The following SLC10A7 variants were observed in gnomAD, a reference collection of about 807,000 sequenced individuals.
The protein encoded by SLC10A7 is sodium/bile acid cotransporter 7.
Under a neutral mutation model 43.2 loss-of-function variants are expected in SLC10A7, and 29 were observed. The ratio of observed to expected loss-of-function variants is 0.67; its 90% CI spans 0.50 to 0.92. The LOEUF is 0.92. Ranked by LOEUF, SLC10A7 falls within the 40% of genes least tolerant of loss-of-function variation. The probability of loss-of-function intolerance (pLI) is 0.00; values close to 1 mark genes in which losing one functional copy is unlikely to be tolerated. For synonymous variants in SLC10A7, 152 were observed against 144.8 expected (o/e 1.05, Z -0.35); for missense variants, 295 against 403.2 (o/e 0.73, Z 2.30).
intron 6 of SLC10A7, among the ~76,000 whole-genome samples, chr4:146,308,094 A>C (rs780812773): frequency 6.6e-6 from 1 of 152,142 alleles, no homozygotes; most frequent in Non-Finnish European, 1.5e-5. Flanking sequence ...TCTCTGATCC[A>C]CTTGACTGGA....
Position 146,427,979 on chromosome 4 carries a change from C to T in SLC10A7, c.435+14804G>A, listed in dbSNP as rs79953549. 2.4e-3 allele frequency among the ~76,000 whole-genome samples: 361 copies of T among 152,000 alleles called. 3 individuals carry two copies. The highest frequency in any genetic ancestry group is 8.3e-3 in the African/African-American group (345 of 41,442). ...TGAGCCCAGGTGATCAAGAACCAGC[C>T]TTGGCAACAAAGTGAGACTCAGTCT... On this transcript the variant is annotated intron_variant, in intron 5 of 11. Coordinates refer to ENST00000335472, the MANE Select transcript of SLC10A7 (RefSeq NM_001029998.6).
intron 5 of SLC10A7, among the ~76,000 whole-genome samples, chr4:146,381,214 CA>C (rs1428930945): frequency 1.3e-5 from 2 of 152,082 alleles, no homozygotes; most frequent in African/African-American, 4.8e-5. Flanking sequence ...TTTCAGTCAT[CA>C]ATAACAAACT....
chr4:146,463,542 G>A (rs1018745515), intron 4 of SLC10A7, among the ~76,000 whole-genome samples: 6 of 151,968 alleles, frequency 3.9e-5, no homozygotes, highest in African/African-American at 1.4e-4. Context: ...GAAGTTCAAG[G>A]CCAGCCTGGG....
chr4:146,346,219 G>A (rs1314073135), intron 5 of SLC10A7, among the ~76,000 whole-genome samples: 1 of 152,116 alleles, frequency 6.6e-6, no homozygotes, highest in African/African-American at 2.4e-5. Context: ...TTGGGGAACT[G>A]TGTGGAATAA....
intron 4 of SLC10A7, among the ~76,000 whole-genome samples, chr4:146,482,736 T>G (rs1734581759): frequency 6.6e-6 from 1 of 152,130 alleles, no homozygotes; most frequent in African/African-American, 2.4e-5. Flanking sequence ...TCCATATCTA[T>G]GAAGCTCAAA....
At position 146,433,252 on chromosome 4, in the gene SLC10A7, C is replaced by T. The variant is rs559770157; in HGVS notation, c.435+9531G>A. ...TCTCAGCTCACTGCAACCTCTGCCTCCTGGGTTCAAGTGATTCTCCTGCCT... is the reference window on the plus strand; with the variant it reads ...TCTCAGCTCACTGCAACCTCTGCCTTCTGGGTTCAAGTGATTCTCCTGCCT... On this transcript the variant is annotated intron_variant, in intron 5 of 11. Coordinates refer to ENST00000335472, the MANE Select transcript of SLC10A7 (RefSeq NM_001029998.6). Among the ~76,000 whole-genome samples the T allele has an allele frequency of 2.7e-5, 4 of 149,176 alleles. No homozygotes were observed. In the South Asian group the frequency reaches 6.5e-4, roughly 24 times the overall value.
At chr4:146,441,471 C>A (rs1219604926) in intron 5 of SLC10A7, among the ~76,000 whole-genome samples, 1 of 152,130 alleles carries the variant, frequency 6.6e-6, no homozygotes, top group Non-Finnish European at 1.5e-5. Flanking sequence ...GAATAAGAGA[C>A]CCAACTTAAG....
intron 5 of SLC10A7, among the ~76,000 whole-genome samples, chr4:146,394,823 C>T (rs1051143899): frequency 6.6e-6 from 1 of 152,152 alleles, no homozygotes; most frequent in South Asian, 2.1e-4. Flanking sequence ...TTTTCTCACC[C>T]ATGGGATCAC....
intron 4 of SLC10A7, among the ~76,000 whole-genome samples, chr4:146,491,316 T>G (rs954796061): frequency 6.6e-6 from 1 of 152,174 alleles, no homozygotes; most frequent in East Asian, 1.9e-4. Context: ...AAGTAATAGG[T>G]GGCCAGAAAT....
In SLC10A7 at chr4:146,260,340, G is replaced by A. The variant is rs1728145317; in HGVS notation, c.848-1503C>T. On this transcript the variant is annotated intron_variant, in intron 10 of 11. Coordinates refer to ENST00000335472, the MANE Select transcript of SLC10A7 (RefSeq NM_001029998.6). ...AACGTTATTCATTCCTTGGCCCAAAGAGGTGATGCTAAGACATTGGGGGAT... is the reference window on the plus strand; with the variant it reads ...AACGTTATTCATTCCTTGGCCCAAAAAGGTGATGCTAAGACATTGGGGGAT... Among the ~76,000 whole-genome samples the A allele has an allele frequency of 2.6e-5, 4 of 152,202 alleles. No individual in the cohort carries two copies. In the South Asian group the frequency reaches 6.2e-4, roughly 24 times the overall value.
chr4:146,439,382 T>C (rs925135699), intron 5 of SLC10A7, among the ~76,000 whole-genome samples: 6 of 152,106 alleles, frequency 3.9e-5, no homozygotes, highest in African/African-American at 4.8e-5. Flanking sequence ...TCTTCAAAAA[T>C]TCTTTTAATA....
chr4:146,493,162 T>C (rs1735603889), intron 4 of SLC10A7, among the ~76,000 whole-genome samples: 1 of 152,140 alleles, frequency 6.6e-6, no homozygotes, highest in Admixed American at 6.5e-5. Context: ...GGAAATAAAG[T>C]TAAAAATAAT....
chr4:146,287,369 A>G (rs1730103901), intron 9 of SLC10A7, among the ~76,000 whole-genome samples: 1 of 152,226 alleles, frequency 6.6e-6, no homozygotes, highest in South Asian at 2.1e-4. Flanking sequence ...AAGAGGCCTG[A>G]GAAGCCAAGA....
At chr4:146,259,481 G>C (rs1728088061) in intron 10 of SLC10A7, among the ~76,000 whole-genome samples, 1 of 152,156 alleles carries the variant, frequency 6.6e-6, no homozygotes, top group Non-Finnish European at 1.5e-5. Flanking sequence ...CACACCTGTA[G>C]TCTCAGCTAC....
intron 4 of SLC10A7, among the ~76,000 whole-genome samples, chr4:146,492,873 A>G (rs1400973513): frequency 2.0e-5 from 3 of 152,172 alleles, no homozygotes; most frequent in Non-Finnish European, 4.4e-5. Flanking sequence ...ATTTTCATCT[A>G]AAACAACCCT....
intron 5 of SLC10A7, among the ~76,000 whole-genome samples, chr4:146,340,545 A>AGAGC (rs1734194100): frequency 6.6e-6 from 1 of 150,742 alleles, no homozygotes; most frequent in Non-Finnish European, 1.5e-5. Context: ...GGAGAGAGAG[A>AGAGC]GAGAGAGAGA....
chr4:146,381,282 C>T (rs185732421), intron 5 of SLC10A7, among the ~76,000 whole-genome samples: 10 of 152,138 alleles, frequency 6.6e-5, no homozygotes, highest in African/African-American at 1.4e-4. Context: ...TAAGTTGGGG[C>T]GGAAATATAG....
intron 5 of SLC10A7, among the ~76,000 whole-genome samples, chr4:146,326,769 G>A (rs965891231): frequency 1.3e-5 from 2 of 152,104 alleles, no homozygotes; most frequent in African/African-American, 2.4e-5. Flanking sequence ...TTATTTGCCC[G>A]TTTTAGTTTT....
In SLC10A7 at chr4:146,297,707, C is replaced by T. The variant is rs897453434; in HGVS notation, c.556-3612G>A. On this transcript the variant is annotated intron_variant, in intron 7 of 11. Coordinates refer to ENST00000335472, the MANE Select transcript of SLC10A7 (RefSeq NM_001029998.6). ...AAAGTTTTGTTTCTTCATTAATATC[C>T]TGTTTTAATATATAGTCAGAGATAT... 1.3e-5 allele frequency among the ~76,000 whole-genome samples: 2 copies of T among 152,006 alleles called. 1 individual carries two copies. Among genetic ancestry groups the T allele is most frequent in the African/African-American group, 4.8e-5 (2 of 41,370 alleles).
Sources: allele counts gnomAD v4.1 joint callset (sites outside exome capture counted in the v4.1 genomes callset), GRCh38; gene constraint gnomAD v4.1.1; transcripts MANE v1.5; gene names NCBI Gene and HGNC (gene_info 2026-07-23, HGNC 2026-07-21).